CAMKK2: variants seen among roughly 807,000 people sequenced by gnomAD.
CAMKK2 encodes the protein calcium/calmodulin-dependent protein kinase kinase 2.
CAMKK2 carries 30 observed loss-of-function variants against 67.2 expected under a neutral mutation model. That is an observed-to-expected ratio of 0.45 (90% CI 0.33 to 0.61). CAMKK2 has a LOEUF of 0.61. Among genes scored for constraint, CAMKK2 ranks in the 20% least tolerant of loss-of-function variants. CAMKK2 has a pLI of 0.02. For missense variants in CAMKK2, 643 were observed against 802.0 expected, an observed-to-expected ratio of 0.80 and a Z score of 2.39; for synonymous variants, 322 against 326.2, an observed-to-expected ratio of 0.99 and a Z score of 0.14.
In CAMKK2 at chr12:121,240,243, T is replaced by G. The variant is rs200971400; in HGVS notation, c.*456A>C. ...AGGTGCCATGGTTTCCGGTTTGCAC[T>G]AGGAGCCACATCTAGCCCCCTACTC... On this transcript the variant is annotated 3_prime_UTR_variant, in exon 17 of 17. Coordinates refer to ENST00000404169, the MANE Select transcript of CAMKK2 (RefSeq NM_001270485.2). The surrounding 1 kb of genome is among the most constrained non-coding windows in gnomAD (Gnocchi z 4.4). The G allele has an allele frequency of 1.6e-6, 1 of 616,546 alleles. No homozygotes were observed. The highest frequency in any genetic ancestry group is 2.8e-6 in the Non-Finnish European group (1 of 354,814). 38.2% of individuals were successfully genotyped at this position (616,546 alleles called of 1,614,324 possible).
chr12:121,268,719 G>T, intron 4 of CAMKK2, 30 bp from the exon 5 acceptor site: 1 of 1,608,824 alleles, frequency 6.2e-7, no homozygotes, highest in Non-Finnish European at 8.5e-7. Flanking sequence ...AGCACCTTTA[G>T]CCAGGTCCTG....
intron 7 of CAMKK2, among the ~76,000 whole-genome samples, chr12:121,256,101 G>A (rs1440846648): frequency 1.3e-5 from 2 of 152,240 alleles, no homozygotes; most frequent in Non-Finnish European, 2.9e-5. Flanking sequence ...AGGGGGCTGG[G>A]CACGGTGGCT....
At chr12:121,255,741 G>C in intron 8 of CAMKK2, 42 bp downstream of exon 8, 1 of 1,612,752 alleles carries the variant, frequency 6.2e-7, no homozygotes, top group Non-Finnish European at 8.5e-7. Context: ...TGCAGCTACA[G>C]AAGCTTCTTG....
At chr12:121,264,810 A>AATAATAATAATC (rs1241003532) in intron 5 of CAMKK2, among the ~76,000 whole-genome samples, 2 of 147,430 alleles carry the variant, frequency 1.4e-5, no homozygotes, top group African/African-American at 2.5e-5. Flanking sequence ...TAATAATAAT[A>AATAATAATAATC]ATCACAAAAA....
intron 5 of CAMKK2, among the ~76,000 whole-genome samples, chr12:121,265,795 T>C (rs901396502): frequency 2.7e-5 from 4 of 150,618 alleles, no homozygotes; most frequent in Admixed American, 1.3e-4. Flanking sequence ...GAGGTGAAGT[T>C]TGCAGTGAAC....
intron 1 of CAMKK2, among the ~76,000 whole-genome samples, chr12:121,294,452 C>T (rs1476736066): frequency 1.3e-5 from 2 of 152,242 alleles, no homozygotes; most frequent in African/African-American, 2.4e-5. Flanking sequence ...TACCAGCCCA[C>T]TAGCCATATC....
chr12:121,264,546 G>A (rs566527220), intron 5 of CAMKK2, among the ~76,000 whole-genome samples: 52 of 152,136 alleles, frequency 3.4e-4, no homozygotes, highest in African/African-American at 1.2e-3. Context: ...AGGCCGAGAC[G>A]GGTGGATCAC....
Position 121,249,817 on chromosome 12 carries a change from G to A in CAMKK2, c.1293C>T (p.Pro431=), listed in dbSNP as rs201362299. The change falls in exon 13 of 17, where the codon CCC becomes CCT. Residue 431 remains proline, a synonymous_variant. Coordinates refer to ENST00000404169, the MANE Select transcript of CAMKK2 (RefSeq NM_001270485.2). ...TTTCCGGCACCACGATCCTCGACTCGGGGTTCTTGTCCAGCATACGGGTGA... is the reference window on the plus strand; with the variant it reads ...TTTCCGGCACCACGATCCTCGACTCAGGGTTCTTGTCCAGCATACGGGTGA... ...DLITRMLDKN[P]ESRIVVPEIK... 2.8e-5 allele frequency: 45 copies of A among 1,614,036 alleles called. No homozygotes were observed. Among genetic ancestry groups the A allele is most frequent in the Non-Finnish European group, 2.9e-5 (34 of 1,180,022 alleles).
At chr12:121,248,241 G>A (rs534992906) in intron 14 of CAMKK2, among the ~76,000 whole-genome samples, 300 of 152,256 alleles carry the variant, frequency 2.0e-3, no homozygotes, top group African/African-American at 6.9e-3. Context: ...GATATGCTAC[G>A]CCATCCACCC....
At chr12:121,279,567 C>A (rs1243598402) in intron 1 of CAMKK2, among the ~76,000 whole-genome samples, 2 of 152,264 alleles carry the variant, frequency 1.3e-5, no homozygotes, top group Non-Finnish European at 2.9e-5. Flanking sequence ...GGCCATGTAA[C>A]CCTCACAGGA....
intron 1 of CAMKK2, among the ~76,000 whole-genome samples, chr12:121,279,575 G>A (rs944471217): frequency 2.0e-5 from 3 of 152,242 alleles, no homozygotes; most frequent in Non-Finnish European, 4.4e-5. Flanking sequence ...AACCCTCACA[G>A]GACCAGGCCC....
At chr12:121,248,026 C>T (rs968047926) in intron 14 of CAMKK2, among the ~76,000 whole-genome samples, 4 of 152,162 alleles carry the variant, frequency 2.6e-5, no homozygotes, top group Non-Finnish European at 5.9e-5. Context: ...TGGTCAGTGG[C>T]GATTCCCAGA....
At chr12:121,255,955 T>C (rs1892195032) in intron 7 of CAMKK2, 151 bp from the exon 8 acceptor site, 6 of 746,432 alleles carry the variant, frequency 8.0e-6, no homozygotes, top group African/African-American at 1.7e-5. Flanking sequence ...TGAACCAAGC[T>C]GGCCAAGGTC....
intron 16 of CAMKK2, chr12:121,243,931 C>G: frequency 7.0e-7 from 1 of 1,432,702 alleles, no homozygotes; most frequent in Non-Finnish European, 9.1e-7. Context: ...CACCACAGCA[C>G]CTGCAGCAGG....
Position 121,244,438 on chromosome 12 carries a change from C to T in CAMKK2, c.1596+135G>A, listed in dbSNP as rs1407214331. 14 of 839,578 alleles carry T rather than the reference C, an allele frequency of 1.7e-5. No individual in the cohort carries two copies. The East Asian group carries it at 2.1e-4, about 13-fold the overall frequency. 52.0% of individuals were successfully genotyped at this position (839,578 alleles called of 1,614,324 possible). ...CATTCTAATACTGGGTCTGGAGGCC[C>T]GCGGTGAGCCGGGCCACAGCAGCCC... is the stretch of plus-strand genomic sequence containing the variant. On this transcript the variant is annotated intron_variant, in intron 16 of 16. Transcript: ENST00000404169.
intron 9 of CAMKK2, among the ~76,000 whole-genome samples, chr12:121,255,344 A>ATATAATTT (rs1891972356): frequency 4.1e-4 from 4 of 9,798 alleles, no homozygotes; most frequent in East Asian, 2.3e-3. Flanking sequence ...ATATAATTTT[A>ATATAATTT]TATATATAAT....
chr12:121,262,692 G>A (rs1893707927), intron 6 of CAMKK2, among the ~76,000 whole-genome samples: 1 of 151,964 alleles, frequency 6.6e-6, no homozygotes, highest in Admixed American at 6.6e-5. Context: ...CGGAATAGCT[G>A]GGACCAAAGG....
At chr12:121,262,872 ATAAT>A (rs1463315269) in intron 6 of CAMKK2, among the ~76,000 whole-genome samples, 1 of 152,202 alleles carries the variant, frequency 6.6e-6, no homozygotes, top group African/African-American at 2.4e-5. Flanking sequence ...TTGTTTTTAA[ATAAT>A]TAATAGTTTA....
In CAMKK2 at chr12:121,240,274, C is replaced by A; in HGVS notation, c.*425G>T. ...CCACATCTAGCCCCCTACTCCCTCT[C>A]AAATGCAGCAACCACCTCCATGGCC... On this transcript the variant is annotated 3_prime_UTR_variant, in exon 17 of 17. Transcript: ENST00000404169. This position sits in a 1 kb window ranked among gnomAD's most constrained non-coding sequence, Gnocchi z 4.4. 1.5e-6 allele frequency: 1 copy of A among 679,760 alleles called. No individual in the cohort carries two copies. The highest frequency in any genetic ancestry group is 2.4e-6 in the Non-Finnish European group (1 of 408,594). 42.1% of individuals were successfully genotyped at this position (679,760 alleles called of 1,614,324 possible). A position where few individuals can be genotyped will look rare whatever the true frequency, so the allele number is the denominator to read the frequency against.
Sources: allele counts gnomAD v4.1 joint callset (sites outside exome capture counted in the v4.1 genomes callset), GRCh38; gene constraint gnomAD v4.1.1; non-coding constraint Gnocchi (gnomAD v3.1); transcripts MANE v1.5; gene names NCBI Gene and HGNC (gene_info 2026-07-23, HGNC 2026-07-21).